Variants in UGT1A5 observed in about 807,000 individuals in gnomAD.
The protein encoded by UGT1A5 is UDP glucuronosyltransferase family 1 member A5, also known as UDP-glucuronosyltransferase 1A5.
In UGT1A5, 29 loss-of-function variants were observed where a neutral mutation model predicts 40.3. That is an observed-to-expected ratio of 0.72 (90% CI 0.54 to 0.98). UGT1A5 has a LOEUF of 0.98. Among genes scored for constraint, UGT1A5 ranks in the 50% least tolerant of loss-of-function variants. The pLI is 0.00. For missense variants in UGT1A5, 678 were observed against 677.9 expected, an observed-to-expected ratio of 1.00 and a Z score of 0.00; for synonymous variants, 257 against 262.5, an observed-to-expected ratio of 0.98 and a Z score of 0.20.
rs1222829087 is a variant in UGT1A5, at chr2:233,767,177, C to G, written c.999+12C>G. 1 of 1,614,030 alleles carries G rather than the reference C, an allele frequency of 6.2e-7. No individual in the cohort carries two copies. Among genetic ancestry groups the G allele is most frequent in the South Asian group, 1.1e-5 (1 of 91,054 alleles). ...AAATCCCTCAGACAGTAAGAAGATT[C>G]TATACCATGGCCTCATATCTATTTT... On this transcript the variant is annotated intron_variant, in intron 2 of 4. Coordinates refer to ENST00000373414, the MANE Select transcript of UGT1A5 (RefSeq NM_019078.2).
chr2:233,772,497 T>A lies in UGT1A5; in HGVS notation c.1543T>A (p.Tyr515Asn). The change falls in exon 5 of 5, where the codon TAC becomes AAC. Residue 515 changes from tyrosine to asparagine, a missense_variant. By Grantham distance (143) the Tyr-to-Asn change is moderately radical (BLOSUM62 -2). Coordinates refer to ENST00000373414, the MANE Select transcript of UGT1A5 (RefSeq NM_019078.2). ...CACCTTTAAATGTTGTGCTTATGGC[T>A]ACCGGAAATGCTTGGGGAAAAAAGG... ...FITFKCCAYGYRKCLGKKGRV... is the reference protein window; with the variant it reads ...FITFKCCAYGNRKCLGKKGRV... The A allele has an allele frequency of 6.2e-7, 1 of 1,614,126 alleles. No homozygotes were observed. The highest frequency in any genetic ancestry group is 8.5e-7 in the Non-Finnish European group (1 of 1,180,040).
chr2:233,725,753 T>G (rs2077473127), intron 1 of UGT1A5, among the ~76,000 whole-genome samples: 1 of 152,188 alleles, frequency 6.6e-6, no homozygotes, highest in Non-Finnish European at 1.5e-5. Flanking sequence ...GTAAGAGACT[T>G]ACATTTTCTT....
chr2:233,741,629 C>T (rs1691726139), intron 1 of UGT1A5: 1 of 151,834 alleles, frequency 6.6e-6, no homozygotes, highest in Non-Finnish European at 1.5e-5. Context: ...CCCATGAGCC[C>T]CTGTGGGATG....
intron 1 of UGT1A5, among the ~76,000 whole-genome samples, chr2:233,726,698 T>C (rs1479327471): frequency 6.6e-6 from 1 of 152,232 alleles, no homozygotes; most frequent in Non-Finnish European, 1.5e-5. Context: ...ACGGAACATA[T>C]TCCCAGGTTT....
intron 1 of UGT1A5, chr2:233,755,135 T>A (rs1342380152): frequency 7.6e-7 from 1 of 1,315,532 alleles, no homozygotes; most frequent in African/African-American, 1.5e-5. Flanking sequence ...CCTGCTTGAA[T>A]CTTCTCACCG....
intron 1 of UGT1A5, chr2:233,729,807 T>C: frequency 6.2e-7 from 1 of 1,613,974 alleles, no homozygotes; most frequent in Non-Finnish European, 8.5e-7. Context: ...GCCATGCTTT[T>C]TCTGCTCCTT....
intron 1 of UGT1A5, chr2:233,761,147 C>T (rs1264463667): frequency 1.4e-5 from 23 of 1,614,204 alleles, no homozygotes; most frequent in Non-Finnish European, 1.8e-5. Context: ...AATCCACTAT[C>T]CCAGGTGTGT....
chr2:233,734,728 G>A (rs893989156), intron 1 of UGT1A5, among the ~76,000 whole-genome samples: 13 of 150,534 alleles, frequency 8.6e-5, no homozygotes, highest in African/African-American at 3.2e-4. Flanking sequence ...TGTTCTCGTC[G>A]GTTTCAAAGA....
chr2:233,755,460 GC>G, intron 1 of UGT1A5: 1 of 281,180 alleles, frequency 3.6e-6, no homozygotes, highest in South Asian at 3.7e-5. Context: ...GACTGGCCCT[GC>G]TCTCTGTGAG....
chr2:233,769,562 A>C lies in UGT1A5; in HGVS notation c.1307+1123A>C. The C allele has an allele frequency of 6.2e-7, 1 of 1,612,906 alleles. No homozygotes were observed. The highest frequency in any genetic ancestry group is 8.5e-7 in the Non-Finnish European group (1 of 1,179,830). ...GCAGCAGTCAGGAAGACAGATGTGA[A>C]GAGCTGGAGCATGTTCAGATGAGAG... On this transcript the variant is annotated intron_variant, in intron 4 of 4. Transcript: ENST00000373414. The surrounding 1 kb of genome is among the most constrained non-coding windows in gnomAD (Gnocchi z 4.4).
chr2:233,718,656 C>T, intron 1 of UGT1A5: 1 of 1,519,542 alleles, frequency 6.6e-7, no homozygotes, highest in Non-Finnish European at 8.8e-7. Flanking sequence ...TAACGAAAGG[C>T]AGTTATAGAT....
chr2:233,718,877 C>T, intron 1 of UGT1A5: 3 of 1,613,970 alleles, frequency 1.9e-6, no homozygotes, highest in Non-Finnish European at 2.5e-6. Context: ...TGCTGCTCCT[C>T]CTCAGTGTCC....
At chr2:233,757,089 G>A (rs553473050) in intron 1 of UGT1A5, among the ~76,000 whole-genome samples, 2 of 151,514 alleles carry the variant, frequency 1.3e-5, no homozygotes, top group African/African-American at 4.8e-5. Flanking sequence ...AGGGTAAGAG[G>A]CAGAGGGAGG....
intron 1 of UGT1A5, among the ~76,000 whole-genome samples, chr2:233,717,231 A>C (rs2076558649): frequency 6.6e-6 from 1 of 152,160 alleles, no homozygotes; most frequent in African/African-American, 2.4e-5. Flanking sequence ...GAGGGTTCTT[A>C]AGATGCAGAC....
At chr2:233,724,803 C>G (rs1387288842) in intron 1 of UGT1A5, among the ~76,000 whole-genome samples, 1 of 138,308 alleles carries the variant, frequency 7.2e-6, no homozygotes, top group Non-Finnish European at 1.5e-5. Flanking sequence ...GGGTGGCGGC[C>G]GGGCAGAGGC....
At chr2:233,766,650 A>G (rs1364133681) in intron 1 of UGT1A5, among the ~76,000 whole-genome samples, 3 of 152,158 alleles carry the variant, frequency 2.0e-5, no homozygotes, top group African/African-American at 7.2e-5. Context: ...TATCATTTAA[A>G]GGGACCACGC....
intron 1 of UGT1A5, among the ~76,000 whole-genome samples, chr2:233,726,737 G>T (rs1199458141): frequency 6.6e-6 from 1 of 152,134 alleles, no homozygotes; most frequent in Non-Finnish European, 1.5e-5. Flanking sequence ...TACTTTTGTG[G>T]GGCTGTGATT....
At chr2:233,719,662 G>A in intron 1 of UGT1A5, 6 of 1,614,092 alleles carry the variant, frequency 3.7e-6, no homozygotes, top group Non-Finnish European at 5.1e-6. Flanking sequence ...GGCATCAACT[G>A]TGCCAACGGG....
intron 1 of UGT1A5, among the ~76,000 whole-genome samples, chr2:233,749,359 C>G (rs189942106): frequency 6.6e-6 from 1 of 151,920 alleles, no homozygotes; most frequent in East Asian, 1.9e-4. Flanking sequence ...TAAATAGTGA[C>G]TCTTGCCCTT....
Sources: gnomAD v4.1 joint callset for allele counts (sites outside exome capture counted in the v4.1 genomes callset) on GRCh38, gnomAD v4.1.1 for gene constraint, Gnocchi (gnomAD v3.1) non-coding constraint, MANE v1.5 for transcripts, NCBI Gene and HGNC (gene_info 2026-07-23, HGNC 2026-07-21) for gene names.